The following LSAMP variants were observed in gnomAD, a reference collection of about 807,000 sequenced individuals.
LSAMP encodes limbic system associated membrane protein.
Under a neutral mutation model 38.6 loss-of-function variants are expected in LSAMP, and 7 were observed. The observed-to-expected ratio is 0.18, with a 90% CI of 0.10 to 0.34. The LOEUF (loss-of-function observed/expected upper bound fraction) is 0.34. LSAMP is among the 10% of genes least tolerant of loss of function. The pLI is 1.00. For missense variants in LSAMP, 313 were observed against 420.0 expected, an observed-to-expected ratio of 0.75 and a Z score of 2.23; for synonymous variants, 154 against 166.8, an observed-to-expected ratio of 0.92 and a Z score of 0.59.
At chr3:116,292,028 TG>T (rs1385195506) in intron 1 of LSAMP, among the ~76,000 whole-genome samples, 1 of 152,164 alleles carries the variant, frequency 6.6e-6, no homozygotes, top group East Asian at 1.9e-4. Flanking sequence ...CAACATAAAA[TG>T]GTACCACTCG....
At chr3:116,326,163 G>A (rs941993111) in intron 1 of LSAMP, among the ~76,000 whole-genome samples, 1 of 151,840 alleles carries the variant, frequency 6.6e-6, no homozygotes, top group South Asian at 2.1e-4. Flanking sequence ...CAATCATTAA[G>A]ATGAATTCTC....
rs1933616491 is a variant in LSAMP, at chr3:115,805,794, C to G, written c.*4523G>C. 2 of 152,182 alleles carry G rather than the reference C, an allele frequency of 1.3e-5. No homozygotes were observed. Among genetic ancestry groups the G allele is most frequent in the African/African-American group, 4.8e-5 (2 of 41,430 alleles). The allele number at this position is 152,182 out of a possible 1,614,324, so 9.4% of individuals were successfully genotyped here. On this transcript the variant is annotated 3_prime_UTR_variant, in exon 7 of 7. Transcript: ENST00000490035. Reference sequence around the variant, plus strand: ...CTGCTAGTATGCACATAAATGTAAACTCCATTTTGCATTTAGTGAGATGTT... The same window carrying G: ...CTGCTAGTATGCACATAAATGTAAAGTCCATTTTGCATTTAGTGAGATGTT...
At chr3:115,888,435 C>T (rs927802569) in intron 3 of LSAMP, among the ~76,000 whole-genome samples, 3 of 152,078 alleles carry the variant, frequency 2.0e-5, no homozygotes, top group South Asian at 4.1e-4. Context: ...CACCTCTCCA[C>T]TACTTTACAC....
At chr3:116,256,010 G>T (rs1029074128) in intron 1 of LSAMP, among the ~76,000 whole-genome samples, 3 of 151,892 alleles carry the variant, frequency 2.0e-5, no homozygotes, top group Non-Finnish European at 4.4e-5. Flanking sequence ...CCTTTTCCTT[G>T]CTGATCCTTC....
chr3:116,343,730 C>G (rs763086763), intron 1 of LSAMP, among the ~76,000 whole-genome samples: 5 of 151,958 alleles, frequency 3.3e-5, no homozygotes, highest in Admixed American at 6.6e-5. Context: ...CTTCAAAAAG[C>G]ATGGCCTAGG....
chr3:116,016,138 T>G (rs1940476124), intron 3 of LSAMP, among the ~76,000 whole-genome samples: 1 of 152,124 alleles, frequency 6.6e-6, no homozygotes, highest in Admixed American at 6.6e-5. Flanking sequence ...AGACTTCACA[T>G]TACAGGCTGA....
chr3:116,102,778 T>TCTATCTATCTATCTAA (rs1026411011), intron 1 of LSAMP, among the ~76,000 whole-genome samples: 1 of 151,834 alleles, frequency 6.6e-6, no homozygotes, highest in African/African-American at 2.4e-5. Context: ...TATCTATCTA[T>TCTATCTATCTATCTAA]CTATCTATCT....
At chr3:116,405,993 T>C (rs2048892857) in intron 1 of LSAMP, among the ~76,000 whole-genome samples, 1 of 152,178 alleles carries the variant, frequency 6.6e-6, no homozygotes, top group African/African-American at 2.4e-5. Context: ...ATAAAATTTC[T>C]AGTTGTTTCC....
At chr3:115,956,155 A>G (rs574001676) in intron 3 of LSAMP, among the ~76,000 whole-genome samples, 2 of 152,006 alleles carry the variant, frequency 1.3e-5, no homozygotes, top group South Asian at 2.1e-4. Flanking sequence ...CATGATTATT[A>G]TCTCCATATA....
At chr3:116,344,567 A>C (rs753491039) in intron 1 of LSAMP, among the ~76,000 whole-genome samples, 21 of 151,978 alleles carry the variant, frequency 1.4e-4, no homozygotes, top group Admixed American at 1.3e-4. Context: ...CTTCCACTCT[A>C]CCTCCTTTAA....
chr3:116,075,545 GTTT>G (rs35574635), intron 2 of LSAMP, among the ~76,000 whole-genome samples: 1 of 131,236 alleles, frequency 7.6e-6, no homozygotes. Context: ...TCACTTTATC[GTTT>G]TTTTTTTTTT....
intron 3 of LSAMP, among the ~76,000 whole-genome samples, chr3:115,865,527 C>T (rs1935834003): frequency 6.6e-6 from 1 of 152,108 alleles, no homozygotes; most frequent in South Asian, 2.1e-4. Context: ...GATATAGTAT[C>T]CAGATGTGAT....
intron 3 of LSAMP, among the ~76,000 whole-genome samples, chr3:115,872,090 T>G (rs539080307): frequency 6.6e-6 from 1 of 152,264 alleles, no homozygotes; most frequent in Non-Finnish European, 1.5e-5. Flanking sequence ...TAGATTTCTG[T>G]TGATTTATGG....
At chr3:116,254,502 A>G (rs748798536) in intron 1 of LSAMP, among the ~76,000 whole-genome samples, 6 of 152,188 alleles carry the variant, frequency 3.9e-5, no homozygotes, top group Non-Finnish European at 5.9e-5. Context: ...GTGCCACAAT[A>G]AAGATGGCTG....
chr3:116,037,599 ATATTGGGT>A (rs1941075081), intron 2 of LSAMP, among the ~76,000 whole-genome samples: 1 of 152,136 alleles, frequency 6.6e-6, no homozygotes, highest in Admixed American at 6.6e-5. Flanking sequence ...TAGGGAAAGT[ATATTGGGT>A]ATATATGCTT....
intron 3 of LSAMP, among the ~76,000 whole-genome samples, chr3:115,947,672 TAAA>T (rs914162798): frequency 6.6e-6 from 1 of 152,084 alleles, no homozygotes; most frequent in South Asian, 2.1e-4. Flanking sequence ...TATAATTCAA[TAAA>T]AAAAGTTTAC....
intron 1 of LSAMP, among the ~76,000 whole-genome samples, chr3:116,401,581 T>A (rs1273915958): frequency 1.3e-5 from 2 of 152,204 alleles, no homozygotes; most frequent in Non-Finnish European, 1.5e-5. Flanking sequence ...TGCTCCTGGC[T>A]GTCCGTTGCT....
chr3:116,351,757 C>G (rs2048143674), intron 1 of LSAMP, among the ~76,000 whole-genome samples: 1 of 152,080 alleles, frequency 6.6e-6, no homozygotes, highest in Non-Finnish European at 1.5e-5. Context: ...GTATCATTCC[C>G]TTCAAACTAG....
intron 1 of LSAMP, among the ~76,000 whole-genome samples, chr3:116,298,437 A>T (rs2047365195): frequency 6.6e-6 from 1 of 152,136 alleles, no homozygotes. Flanking sequence ...GGAAAAAAAA[A>T]ACTGGGAGTT....
Sources: allele counts gnomAD v4.1 joint callset (sites outside exome capture counted in the v4.1 genomes callset), GRCh38; gene constraint gnomAD v4.1.1; transcripts MANE v1.5; gene names NCBI Gene and HGNC (gene_info 2026-07-23, HGNC 2026-07-21).